The following AGBL1 variants were observed in gnomAD, a reference collection of about 807,000 sequenced individuals.
AGBL1 encodes cytosolic carboxypeptidase 4.
AGBL1 carries 130 observed loss-of-function variants against 118.9 expected under a neutral mutation model. The observed-to-expected ratio is 1.09, with a 90% confidence interval of 0.95 to 1.26. The LOEUF is 1.26. AGBL1 is among the 50% of genes most tolerant of loss of function. The probability of loss-of-function intolerance (pLI) is 0.00; values close to 1 mark genes in which losing one functional copy is unlikely to be tolerated. For missense variants in AGBL1, 1,584 were observed against 1,298.1 expected (o/e 1.22, Z -3.38); for synonymous variants, 555 against 478.9 (o/e 1.16, Z -2.08).
rs199542968 is a variant in AGBL1 at position 86,991,363 on chromosome 15, C to T, written c.3323+3275C>T. The stretch of plus-strand genomic sequence containing the variant: ...TCCCTCAGCATCTGAACTGCTTACA[C>T]GTTTGCCCATTTCCATCGTTTCCCC... On this transcript the variant is annotated intron_variant, in intron 24 of 24. Coordinates refer to the AGBL1 transcript ENST00000441037. 7.2e-5 allele frequency among the ~76,000 whole-genome samples: 11 copies of T among 151,970 alleles called. No homozygotes were observed. The South Asian group carries it at 1.2e-3, about 17-fold the overall frequency.
intron 18 of AGBL1, among the ~76,000 whole-genome samples, chr15:86,498,771 A>G (rs897375154): frequency 6.6e-6 from 1 of 151,954 alleles, no homozygotes; most frequent in Non-Finnish European, 1.5e-5. Flanking sequence ...CCCATATTTG[A>G]CATTTTATAT....
chr15:86,461,415 C>G (rs1319112797), intron 18 of AGBL1, among the ~76,000 whole-genome samples: 1 of 152,122 alleles, frequency 6.6e-6, no homozygotes, highest in African/African-American at 2.4e-5. Flanking sequence ...TGCCTAGCCA[C>G]CACTCTTCCC....
chr15:86,616,017 T>G (rs1464741840), intron 21 of AGBL1, among the ~76,000 whole-genome samples: 1 of 151,910 alleles, frequency 6.6e-6, no homozygotes, highest in Non-Finnish European at 1.5e-5. Context: ...TTAAGCTGAT[T>G]AGGATAGCAA....
At chr15:86,987,649 C>G (rs989293907) in intron 23 of AGBL1, among the ~76,000 whole-genome samples, 1 of 152,018 alleles carries the variant, frequency 6.6e-6, no homozygotes, top group African/African-American at 2.4e-5. Flanking sequence ...TGGAATTTAT[C>G]AAAAGGTTTC....
At chr15:86,647,348 G>A (rs2085298202) in intron 21 of AGBL1, among the ~76,000 whole-genome samples, 1 of 152,020 alleles carries the variant, frequency 6.6e-6, no homozygotes, top group African/African-American at 2.4e-5. Context: ...TGTTTTAAAG[G>A]CCAAGAATAC....
chr15:86,937,937 G>A (rs1384013850), intron 23 of AGBL1, among the ~76,000 whole-genome samples: 1 of 152,246 alleles, frequency 6.6e-6, no homozygotes, highest in African/African-American at 2.4e-5. Context: ...AGAATTGCAA[G>A]AGGTGAGACC....
chr15:86,577,855 C>T (rs1055808287), intron 21 of AGBL1, among the ~76,000 whole-genome samples: 11 of 152,226 alleles, frequency 7.2e-5, no homozygotes, highest in East Asian at 3.9e-4. Context: ...TGGGAACCTC[C>T]GCCTAGATTT....
chr15:86,194,735 G>C (rs1408647899), intron 5 of AGBL1, among the ~76,000 whole-genome samples: 1 of 152,198 alleles, frequency 6.6e-6, no homozygotes, highest in Non-Finnish European at 1.5e-5. Context: ...CTCAGGCACA[G>C]AACAGGTAAC....
At chr15:86,224,280 A>T (rs995723402) in intron 5 of AGBL1, among the ~76,000 whole-genome samples, 4 of 152,154 alleles carry the variant, frequency 2.6e-5, no homozygotes, top group Non-Finnish European at 2.9e-5. Context: ...AAAGCCACTA[A>T]GATGTGGGTC....
chr15:86,623,279 G>A (rs532486221), intron 21 of AGBL1, among the ~76,000 whole-genome samples: 8 of 152,166 alleles, frequency 5.3e-5, no homozygotes, highest in Non-Finnish European at 8.8e-5. Flanking sequence ...CAATCATGTA[G>A]AGCCTGGTTG....
intron 16 of AGBL1, among the ~76,000 whole-genome samples, chr15:86,291,475 G>T (rs770564305): frequency 6.6e-6 from 1 of 152,132 alleles, no homozygotes; most frequent in African/African-American, 2.4e-5. Flanking sequence ...TGAGCAGTGA[G>T]TTAAGATTGG....
intron 5 of AGBL1, among the ~76,000 whole-genome samples, chr15:86,214,608 A>T (rs900023415): frequency 1.3e-5 from 2 of 152,216 alleles, no homozygotes; most frequent in Non-Finnish European, 2.9e-5. Flanking sequence ...GTGAGAACTT[A>T]TTGCAATCCC....
At position 86,376,659 on chromosome 15, in the gene AGBL1, C is replaced by T. The variant is rs189065541; in HGVS notation, c.2375-20707C>T. The stretch of plus-strand genomic sequence containing the variant: ...TATGTGGCTGACCTGCAGTCTCTCT[C>T]CTTGCAGAGGCTGGGCTAATACCTT... On this transcript the variant is annotated intron_variant, in intron 17 of 22. Transcript: ENST00000614907. Among the ~76,000 whole-genome samples, 348 of 152,320 alleles carry T rather than the reference C, an allele frequency of 2.3e-3. 1 individual carries two copies. Among genetic ancestry groups the T allele is most frequent in the African/African-American group, 7.8e-3 (323 of 41,574 alleles).
chr15:86,901,858 G>A (rs2080216492), intron 22 of AGBL1, among the ~76,000 whole-genome samples: 2 of 151,866 alleles, frequency 1.3e-5, no homozygotes, highest in South Asian at 4.2e-4. Context: ...TTTTTCTGTT[G>A]TGGATGAATT....
intron 18 of AGBL1, among the ~76,000 whole-genome samples, chr15:86,403,186 G>A (rs1039275584): frequency 1.3e-5 from 2 of 152,108 alleles, no homozygotes; most frequent in African/African-American, 4.8e-5. Context: ...AGTCAAGCAT[G>A]ATTCCCAATC....
downstream of AGBL1, among the ~76,000 whole-genome samples, chr15:86,921,049 A>G (rs2080477282): frequency 6.6e-6 from 1 of 152,200 alleles, no homozygotes. Flanking sequence ...AGCGGCTTCT[A>G]GGTAAGGGTC....
intron 5 of AGBL1, among the ~76,000 whole-genome samples, chr15:86,190,817 A>G (rs2077707431): frequency 6.6e-6 from 1 of 152,254 alleles, no homozygotes; most frequent in South Asian, 2.1e-4. Context: ...CATAGAAGGT[A>G]ACAATGTAGG....
At chr15:86,457,775 TTAAAGA>T (rs1397667978) in intron 18 of AGBL1, among the ~76,000 whole-genome samples, 23 of 152,244 alleles carry the variant, frequency 1.5e-4, no homozygotes, top group African/African-American at 4.8e-4. Context: ...TTTGACAAAG[TTAAAGA>T]TAAAGGTTAA....
chr15:86,367,405 C>T (rs1470543908), intron 17 of AGBL1, among the ~76,000 whole-genome samples: 1 of 152,100 alleles, frequency 6.6e-6, no homozygotes, highest in Non-Finnish European at 1.5e-5. Flanking sequence ...AGGTCAAATA[C>T]AAGTCCTAGA....
Sources: allele counts gnomAD v4.1 joint callset (sites outside exome capture counted in the v4.1 genomes callset), GRCh38; gene constraint gnomAD v4.1.1; transcripts MANE v1.5; gene names NCBI Gene and HGNC (gene_info 2026-07-23, HGNC 2026-07-21).